The following ULK4 variants were observed in gnomAD, a reference collection of about 807,000 sequenced individuals.
The protein encoded by ULK4 is inactive serine/threonine-protein kinase ULK4.
A neutral mutation model predicts 160.6 loss-of-function variants in ULK4; 133 were observed. That is an observed-to-expected ratio of 0.83 (90% CI 0.72 to 0.96). The LOEUF (loss-of-function observed/expected upper bound fraction) is 0.96. Among genes scored for constraint, ULK4 ranks in the 40% least tolerant of loss-of-function variants. The pLI, the probability that ULK4 is intolerant of heterozygous loss-of-function variation, is 0.00. For missense variants in ULK4, 1,580 were observed against 1,499.5 expected (o/e 1.05, Z -0.89); for synonymous variants, 534 against 539.8 (o/e 0.99, Z 0.15).
intron 8 of ULK4, 71 bp from the exon 9 acceptor site, chr3:41,912,970 C>T: frequency 2.2e-6 from 3 of 1,361,636 alleles, no homozygotes; most frequent in Non-Finnish European, 3.1e-6. Flanking sequence ...AGACATGTCC[C>T]AATTACACAT....
At chr3:41,380,604 C>T (rs72866629) in intron 35 of ULK4, among the ~76,000 whole-genome samples, 3 of 152,216 alleles carry the variant, frequency 2.0e-5, no homozygotes, top group East Asian at 1.9e-4. Flanking sequence ...AGCTCACTCA[C>T]GGCCTCACCC....
intron 19 of ULK4, among the ~76,000 whole-genome samples, chr3:41,816,121 T>G (rs2040955495): frequency 6.6e-6 from 1 of 151,816 alleles, no homozygotes; most frequent in African/African-American, 2.4e-5. Context: ...CAGAGTCTTA[T>G]ATATACATAT....
chr3:41,923,558 G>C (rs1400210202), intron 5 of ULK4, among the ~76,000 whole-genome samples: 2 of 152,158 alleles, frequency 1.3e-5, no homozygotes, highest in African/African-American at 4.8e-5. Context: ...CCTAGGAACA[G>C]GCCTGCCTTA....
chr3:41,538,546 A>C (rs1449428074), intron 32 of ULK4, among the ~76,000 whole-genome samples: 1 of 152,146 alleles, frequency 6.6e-6, no homozygotes, highest in Non-Finnish European at 1.5e-5. Context: ...GTGCTATTTA[A>C]GGTTTACAGT....
chr3:41,901,630 C>T (rs1043473200), intron 12 of ULK4, among the ~76,000 whole-genome samples: 5 of 151,406 alleles, frequency 3.3e-5, no homozygotes, highest in African/African-American at 9.7e-5. Flanking sequence ...CTGGTGTATG[C>T]CACCATGCAC....
chr3:41,316,190 T>C (rs1246922545), intron 35 of ULK4, among the ~76,000 whole-genome samples: 1 of 152,102 alleles, frequency 6.6e-6, no homozygotes. Context: ...GTCCATACAA[T>C]GGAATACTAT....
intron 18 of ULK4, among the ~76,000 whole-genome samples, chr3:41,819,995 G>A (rs975449634): frequency 1.3e-5 from 2 of 152,190 alleles, no homozygotes; most frequent in East Asian, 1.9e-4. Flanking sequence ...GCAAATAAGC[G>A]GGTACACTGA....
chr3:41,369,020 C>A (rs866403603), intron 35 of ULK4, among the ~76,000 whole-genome samples: 1 of 152,088 alleles, frequency 6.6e-6, no homozygotes, highest in Admixed American at 6.5e-5. Flanking sequence ...CCTGCAAATA[C>A]CTAGGTAGAA....
chr3:41,885,814 G>A (rs1697700868), intron 16 of ULK4, among the ~76,000 whole-genome samples: 1 of 152,156 alleles, frequency 6.6e-6, no homozygotes, highest in African/African-American at 2.4e-5. Context: ...AAGTAGCTGG[G>A]ACTATAGGTG....
intron 21 of ULK4, among the ~76,000 whole-genome samples, chr3:41,788,668 C>T (rs572571288): frequency 8.0e-5 from 12 of 150,502 alleles, no homozygotes; most frequent in African/African-American, 2.7e-4. Flanking sequence ...CCAGCCTGGG[C>T]GACAGAGCGA....
intron 30 of ULK4, among the ~76,000 whole-genome samples, chr3:41,627,758 C>T (rs1262348830): frequency 1.3e-5 from 2 of 152,182 alleles, no homozygotes; most frequent in Non-Finnish European, 2.9e-5. Flanking sequence ...CACAGATATG[C>T]ATGTATGCAC....
chr3:41,754,384 C>A lies in ULK4; in HGVS notation c.2298G>T (p.Met766Ile). 6.2e-7 allele frequency: 1 copy of A among 1,611,982 alleles called. No homozygotes were observed. Among genetic ancestry groups the A allele is most frequent in the East Asian group, 2.2e-5 (1 of 44,800 alleles). ...ACCTTGCTTGGCAACTGAGCAGCAACATCTCACGGTTATAAATCAAAATAT... is the reference window on the plus strand; with the variant it reads ...ACCTTGCTTGGCAACTGAGCAGCAAAATCTCACGGTTATAAATCAAAATAT... The part of the protein sequence containing the change: ...LLYILIYNRE[M>I]LLLSCQARLV... Residue 766 changes from methionine (M) to isoleucine (I), a missense_variant, in exon 22 of 37, where the codon ATG becomes ATT. Physicochemically the swap from Met to Ile is conservative, Grantham distance 10. Coordinates refer to ENST00000301831, the MANE Select transcript of ULK4 (RefSeq NM_017886.4).
intron 22 of ULK4, among the ~76,000 whole-genome samples, chr3:41,733,648 A>G (rs1265440582): frequency 6.6e-6 from 1 of 151,804 alleles, no homozygotes; most frequent in African/African-American, 2.4e-5. Context: ...TTCTCCCAAA[A>G]AGACTTTTTT....
chr3:41,492,317 A>C (rs2084805488), intron 32 of ULK4, among the ~76,000 whole-genome samples: 1 of 152,130 alleles, frequency 6.6e-6, no homozygotes, highest in Admixed American at 6.6e-5. Context: ...ACTGACTTCC[A>C]CAATGGTTGA....
chr3:41,429,499 C>T (rs144531617), intron 34 of ULK4, among the ~76,000 whole-genome samples: 9 of 152,268 alleles, frequency 5.9e-5, no homozygotes, highest in African/African-American at 1.9e-4. Flanking sequence ...GGAATCAACA[C>T]AAATGCCCAT....
intron 20 of ULK4, among the ~76,000 whole-genome samples, chr3:41,792,653 T>C (rs1309324311): frequency 6.6e-6 from 1 of 151,892 alleles, no homozygotes; most frequent in Non-Finnish European, 1.5e-5. Flanking sequence ...ATGGATCTTC[T>C]TCAGAATGCT....
At chr3:41,809,176 C>CA (rs533578363) in intron 19 of ULK4, among the ~76,000 whole-genome samples, 3,747 of 75,478 alleles carry the variant, frequency 0.05, 93 homozygotes, top group African/African-American at 0.09. Flanking sequence ...AAAAAAAAAA[C>CA]AAAAAAAAAA....
intron 32 of ULK4, among the ~76,000 whole-genome samples, chr3:41,532,754 T>C (rs2086364800): frequency 6.6e-6 from 1 of 152,176 alleles, no homozygotes; most frequent in Non-Finnish European, 1.5e-5. Flanking sequence ...AAGCTTAAAA[T>C]ATTTCTTGTC....
chr3:41,665,092 A>G (rs367789665), intron 29 of ULK4, among the ~76,000 whole-genome samples: 25 of 152,362 alleles, frequency 1.6e-4, no homozygotes, highest in East Asian at 7.7e-4. Context: ...AGGAAGAAAA[A>G]TATCTCTAAA....
Sources: allele counts gnomAD v4.1 joint callset (sites outside exome capture counted in the v4.1 genomes callset), GRCh38; gene constraint gnomAD v4.1.1; transcripts MANE v1.5; gene names NCBI Gene and HGNC (gene_info 2026-07-23, HGNC 2026-07-21).